The following ERLIN1 variants were observed in gnomAD, a reference collection of about 807,000 sequenced individuals.
ERLIN1 encodes the protein ER lipid raft associated 1.
In ERLIN1, 24 loss-of-function variants were observed where a neutral mutation model predicts 46.9. The ratio of observed to expected loss-of-function variants is 0.51; its 90% CI spans 0.37 to 0.72. The LOEUF (loss-of-function observed/expected upper bound fraction) is 0.72. ERLIN1 is among the 30% of genes least tolerant of loss of function. The pLI, the probability that ERLIN1 is intolerant of heterozygous loss-of-function variation, is 0.00. For missense variants in ERLIN1, 293 were observed against 417.9 expected, an observed-to-expected ratio of 0.70 and a Z score of 2.61; for synonymous variants, 158 against 143.2, an observed-to-expected ratio of 1.10 and a Z score of -0.74.
At chr10:100,174,304 C>G (rs1844169525) in intron 5 of ERLIN1, 23 bp from the exon 6 acceptor site, 3 of 1,527,740 alleles carry the variant, frequency 2.0e-6, no homozygotes, top group Non-Finnish European at 2.7e-6. Context: ...CCAAGAACAA[C>G]AGATCTCATG....
At chr10:100,153,854 G>A (rs1421055804) in intron 10 of ERLIN1, among the ~76,000 whole-genome samples, 4 of 151,970 alleles carry the variant, frequency 2.6e-5, no homozygotes, top group Non-Finnish European at 5.9e-5. Flanking sequence ...CCTTTCTTTT[G>A]GCCAAATTCC....
Position 100,150,670 on chromosome 10 carries a change from G to A in ERLIN1, c.*1461C>T, listed in dbSNP as rs1842757180. On this transcript the variant is annotated 3_prime_UTR_variant, in exon 11 of 11. Coordinates refer to ENST00000421367, the MANE Select transcript of ERLIN1 (RefSeq NM_006459.4). ...TGGCACAACCAACAAACTGTCATGA[G>A]ACTGACAGGCCTGACAGCTGAAAGA... 1 of 152,636 alleles carries A rather than the reference G, an allele frequency of 6.6e-6. No individual in the cohort carries two copies. Among genetic ancestry groups the A allele is most frequent in the Non-Finnish European group, 1.5e-5 (1 of 68,040 alleles). The allele number at this position is 152,636 out of a possible 1,614,324, so 9.5% of individuals were successfully genotyped here.
chr10:100,154,259 C>T (rs1842958343), intron 10 of ERLIN1, among the ~76,000 whole-genome samples: 1 of 152,174 alleles, frequency 6.6e-6, no homozygotes, highest in African/African-American at 2.4e-5. Context: ...TATCACCCAA[C>T]CTGCCTTCTC....
intron 8 of ERLIN1, among the ~76,000 whole-genome samples, chr10:100,160,148 CAA>C (rs1241361103): frequency 6.6e-6 from 1 of 151,886 alleles, no homozygotes; most frequent in Non-Finnish European, 1.5e-5. Context: ...ATGAAATGAA[CAA>C]TTTTCTATGA....
At chr10:100,168,735 G>T (rs564964704) in intron 6 of ERLIN1, among the ~76,000 whole-genome samples, 50 of 150,134 alleles carry the variant, frequency 3.3e-4, no homozygotes, top group African/African-American at 1.2e-3. Context: ...GCTGGAGTGC[G>T]GTGGTGCAAT....
rs143404602 is a variant in ERLIN1 at position 100,175,871 on chromosome 10, A to G, written c.430+74T>C. ...GCTTAAATAGCACTAAGGTTTACCA[A>G]TATAACCTCAATAAGTAAGCTGAAC... On this transcript the variant is annotated intron_variant, in intron 5 of 10. Transcript: ENST00000421367. The G allele has an allele frequency of 3.0e-5, 41 of 1,357,492 alleles. No individual in the cohort carries two copies. In the East Asian group the frequency reaches 7.3e-4, roughly 24 times the overall value. 84.1% of individuals were successfully genotyped at this position (1,357,492 alleles called of 1,614,324 possible). A position where few individuals can be genotyped will look rare whatever the true frequency, so the allele number is the denominator to read the frequency against.
chr10:100,166,396 G>A (rs147689504), intron 7 of ERLIN1, among the ~76,000 whole-genome samples: 1,531 of 151,630 alleles, frequency 0.01, 26 homozygotes, highest in African/African-American at 0.036. Flanking sequence ...CCACTGCACT[G>A]CAGTCTGGGC....
chr10:100,169,481 A>T (rs907621476), intron 6 of ERLIN1, among the ~76,000 whole-genome samples: 1 of 152,184 alleles, frequency 6.6e-6, no homozygotes, highest in African/African-American at 2.4e-5. Flanking sequence ...CAAGAAGAAA[A>T]ATGGTATATA....
chr10:100,165,386 T>C (rs1393824797), intron 7 of ERLIN1, among the ~76,000 whole-genome samples: 1 of 100,498 alleles, frequency 1.0e-5, no homozygotes, highest in Non-Finnish European at 1.8e-5. Context: ...AGAAGCAATC[T>C]TTTTTTTTTT....
chr10:100,177,489 A>C (rs1296735850), intron 4 of ERLIN1, among the ~76,000 whole-genome samples: 2 of 152,172 alleles, frequency 1.3e-5, no homozygotes, highest in Non-Finnish European at 2.9e-5. Context: ...ATGTCTTCTC[A>C]AGTAAAATTA....
chr10:100,179,056 G>C, intron 3 of ERLIN1, 145 bp downstream of exon 3: 1 of 588,986 alleles, frequency 1.7e-6, no homozygotes, highest in Non-Finnish European at 3.0e-6. Context: ...TTTGGAGATA[G>C]GCCTTTGCTC....
At chr10:100,161,818 T>C (rs1009507270) in intron 8 of ERLIN1, among the ~76,000 whole-genome samples, 2 of 152,018 alleles carry the variant, frequency 1.3e-5, no homozygotes, top group Admixed American at 1.3e-4. Context: ...TAGAAATAAG[T>C]AGAGGAAATA....
At chr10:100,184,195 G>A (rs1844827905) in intron 1 of ERLIN1, among the ~76,000 whole-genome samples, 1 of 151,932 alleles carries the variant, frequency 6.6e-6, no homozygotes. Flanking sequence ...TACATAACAA[G>A]AGCCAAATCA....
intron 2 of ERLIN1, among the ~76,000 whole-genome samples, chr10:100,181,944 G>A (rs180871432): frequency 5.9e-5 from 9 of 152,178 alleles, no homozygotes; most frequent in South Asian, 2.1e-4. Flanking sequence ...TTGTAGATGC[G>A]AAGTATTTTA....
intron 2 of ERLIN1, among the ~76,000 whole-genome samples, chr10:100,183,269 A>G (rs545371114): frequency 6.6e-6 from 1 of 152,346 alleles, no homozygotes; most frequent in East Asian, 1.9e-4. Context: ...TGCCATCAAA[A>G]TATAACATTC....
intron 7 of ERLIN1, among the ~76,000 whole-genome samples, chr10:100,165,829 G>A (rs1843607882): frequency 6.6e-6 from 1 of 151,660 alleles, no homozygotes; most frequent in Non-Finnish European, 1.5e-5. Flanking sequence ...CGGTTGAAGC[G>A]ACTCTCCTAC....
At position 100,179,003 on chromosome 10, in the gene ERLIN1, TA is replaced by T. The variant is rs1844476327; in HGVS notation, c.242+197del. Among the ~76,000 whole-genome samples the T allele has an allele frequency of 3.3e-5, 5 of 152,226 alleles. No homozygotes were observed. In the South Asian group the frequency reaches 1.0e-3, roughly 31 times the overall value. ...CTAAAACTCCAGTTTTTTCCAATAA[TA>T]CCATAAGAACAATAATGGTTCTTAA... is the stretch of plus-strand genomic sequence containing the variant. On this transcript the variant is annotated intron_variant, in intron 3 of 10. Coordinates refer to ENST00000421367, the MANE Select transcript of ERLIN1 (RefSeq NM_006459.4).
At chr10:100,171,126 T>C (rs1338162998) in intron 6 of ERLIN1, among the ~76,000 whole-genome samples, 3 of 152,166 alleles carry the variant, frequency 2.0e-5, no homozygotes, top group Non-Finnish European at 4.4e-5. Context: ...CTAATTTTAA[T>C]TGCTATACTT....
intron 10 of ERLIN1, among the ~76,000 whole-genome samples, chr10:100,153,381 G>A (rs1025893244): frequency 2.0e-5 from 3 of 152,070 alleles, no homozygotes; most frequent in African/African-American, 7.2e-5. Flanking sequence ...ATGCCAAGAT[G>A]TATCTAACCA....
Sources: allele counts gnomAD v4.1 joint callset (sites outside exome capture counted in the v4.1 genomes callset), GRCh38; gene constraint gnomAD v4.1.1; transcripts MANE v1.5; gene names NCBI Gene and HGNC (gene_info 2026-07-23, HGNC 2026-07-21).